The following FAM135B variants were observed in gnomAD, a reference collection of about 807,000 sequenced individuals.
FAM135B encodes the protein protein FAM135B.
In FAM135B, 43 loss-of-function variants were observed where a neutral mutation model predicts 127.7. That is an observed-to-expected ratio of 0.34 (90% CI 0.26 to 0.43). FAM135B has a LOEUF of 0.43. Among genes scored for constraint, FAM135B ranks in the 20% least tolerant of loss-of-function variants. FAM135B has a pLI of 1.00. For missense variants in FAM135B, 1,558 were observed against 1,725.6 expected (o/e 0.90, Z 1.72); for synonymous variants, 670 against 665.1 (o/e 1.01, Z -0.11).
At chr8:138,268,806 T>C (rs1196841608) in intron 3 of FAM135B, among the ~76,000 whole-genome samples, 1 of 152,222 alleles carries the variant, frequency 6.6e-6, no homozygotes, top group Non-Finnish European at 1.5e-5. Context: ...TATTTTTATG[T>C]ATTTTTAGGC....
intron 16 of FAM135B, among the ~76,000 whole-genome samples, chr8:138,142,112 G>A (rs937324179): frequency 6.6e-6 from 1 of 151,900 alleles, no homozygotes; most frequent in Non-Finnish European, 1.5e-5. Context: ...TGTATATGAA[G>A]ACTAAATGGG....
At chr8:138,255,828 C>T (rs761802578) in intron 5 of FAM135B, among the ~76,000 whole-genome samples, 29 of 152,140 alleles carry the variant, frequency 1.9e-4, no homozygotes, top group Non-Finnish European at 1.5e-4. Context: ...ATATGACAAT[C>T]GCACTTACAA....
At chr8:138,381,578 A>G (rs1321575150) in intron 1 of FAM135B, among the ~76,000 whole-genome samples, 1 of 152,236 alleles carries the variant, frequency 6.6e-6, no homozygotes, top group Admixed American at 6.5e-5. Flanking sequence ...GAGAATAGGT[A>G]TGGAATCACA....
At chr8:138,218,551 G>C (rs1818750731) in intron 7 of FAM135B, among the ~76,000 whole-genome samples, 1 of 152,128 alleles carries the variant, frequency 6.6e-6, no homozygotes, top group Non-Finnish European at 1.5e-5. Flanking sequence ...TACAGAGTGG[G>C]ACTCATACTT....
At chr8:138,349,787 G>A (rs1178394779) in intron 2 of FAM135B, among the ~76,000 whole-genome samples, 1 of 152,166 alleles carries the variant, frequency 6.6e-6, no homozygotes, top group Non-Finnish European at 1.5e-5. Context: ...GCAAAGCAGA[G>A]CCAGAAATGG....
rs1291472552 is a variant in FAM135B at position 138,130,399 on chromosome 8, A to G, written c.*2194T>C. ...TTTACAAAGACAGCAGAGCACCCCT[A>G]TAAAAAAGAGGTGCACCATGCAGCT... On this transcript the variant is annotated 3_prime_UTR_variant, in exon 20 of 20. Transcript: ENST00000395297. 2 of 152,152 alleles carry G rather than the reference A, an allele frequency of 1.3e-5. No homozygotes were observed. The highest frequency in any genetic ancestry group is 2.9e-5 in the Non-Finnish European group (2 of 68,036). 9.4% of individuals were successfully genotyped at this position (152,152 alleles called of 1,614,324 possible).
At chr8:138,133,065 G>A (rs4620329) in intron 19 of FAM135B, among the ~76,000 whole-genome samples, 18,401 of 152,226 alleles carry the variant, frequency 0.12, 1,252 homozygotes, top group East Asian at 0.23. Context: ...AGCAGTGTTC[G>A]TGTTTCTCAA....
chr8:138,296,925 C>T (rs576913195), intron 3 of FAM135B, among the ~76,000 whole-genome samples: 3 of 152,180 alleles, frequency 2.0e-5, no homozygotes, highest in East Asian at 1.9e-4. Context: ...ATACTAAAGC[C>T]GAATGAGAGG....
In FAM135B at chr8:138,148,567, T is replaced by G. The variant is rs2130689931; in HGVS notation, c.3401A>C (p.Asn1134Thr). The G allele has an allele frequency of 6.2e-7, 1 of 1,614,046 alleles. No individual in the cohort carries two copies. The highest frequency in any genetic ancestry group is 8.5e-7 in the Non-Finnish European group (1 of 1,179,948). ...AACCAGGTGAATTCCATCTTCCAAA[T>G]TTTCTTCCTCTTCCTCTGGTGGGAA... ...PYFPPEEEEE[N>T]LEDGIHLVVC... Residue 1134 changes from asparagine to threonine, a missense_variant, in exon 14 of 20, where the codon AAT (asparagine) becomes ACT (threonine). Physicochemically the swap from Asn to Thr is moderately conservative, Grantham distance 65 (BLOSUM62 0). This residue lies in a region of FAM135B where 923 missense variants were observed against 865.3 expected (regional missense o/e 1.07). Coordinates refer to ENST00000395297, the MANE Select transcript of FAM135B (RefSeq NM_015912.4).
chr8:138,355,820 G>A (rs769708993), intron 2 of FAM135B, among the ~76,000 whole-genome samples: 22 of 152,154 alleles, frequency 1.4e-4, no homozygotes, highest in Admixed American at 2.6e-4. Flanking sequence ...GCCCTTGTGT[G>A]AGCCAAATAA....
intron 11 of FAM135B, among the ~76,000 whole-genome samples, chr8:138,168,940 GCC>G: frequency 6.6e-6 from 1 of 152,226 alleles, no homozygotes; most frequent in South Asian, 2.1e-4. Context: ...GAGCAGCTCG[GCC>G]TCTGGAAGCC....
At chr8:138,195,112 G>GT (rs1485777953) in intron 9 of FAM135B, 146 bp downstream of exon 9, 2 of 702,810 alleles carry the variant, frequency 2.8e-6, no homozygotes, top group Non-Finnish European at 4.8e-6. Context: ...GTAACAGAAT[G>GT]TAAGAATATT....
chr8:138,171,011 A>G (rs943389969), intron 11 of FAM135B, among the ~76,000 whole-genome samples: 7 of 152,152 alleles, frequency 4.6e-5, no homozygotes, highest in African/African-American at 1.7e-4. Context: ...TCTGCACTCC[A>G]TGCGCTCCCA....
At chr8:138,146,176 T>A in intron 14 of FAM135B, 126 bp from the exon 15 acceptor site, 1 of 600,334 alleles carries the variant, frequency 1.7e-6, no homozygotes, top group South Asian at 2.2e-5. Flanking sequence ...TTTGGTTAAG[T>A]AGATAATATA....
At chr8:138,424,476 T>G (rs781353468) in intron 1 of FAM135B, among the ~76,000 whole-genome samples, 8 of 152,206 alleles carry the variant, frequency 5.3e-5, no homozygotes, top group Non-Finnish European at 1.2e-4. Context: ...CACAAAGATC[T>G]GCACAAATGG....
intron 1 of FAM135B, among the ~76,000 whole-genome samples, chr8:138,492,820 G>A (rs764262244): frequency 1.1e-4 from 16 of 152,148 alleles, no homozygotes; most frequent in East Asian, 5.8e-4. Context: ...GAAATATGTC[G>A]GAGGCTCCTC....
chr8:138,462,558 G>C (rs768821131), intron 1 of FAM135B, among the ~76,000 whole-genome samples: 1 of 152,160 alleles, frequency 6.6e-6, no homozygotes, highest in Admixed American at 6.5e-5. Context: ...GGAGTCACTG[G>C]GGAGAGGAGG....
chr8:138,243,518 C>T lies in FAM135B; in HGVS notation c.543-450G>A, dbSNP rs1429519882. ...GTGGAAAAGCATAAAACATCTTCCT[C>T]CATGATCCGCATGAGAGTCTAATAC... On this transcript the variant is annotated intron_variant, in intron 6 of 19. Transcript: ENST00000395297. The surrounding 1 kb of genome is among the most constrained non-coding windows in gnomAD (Gnocchi z 7.5). Among the ~76,000 whole-genome samples the T allele has an allele frequency of 2.0e-5, 3 of 152,204 alleles. No individual in the cohort carries two copies. The highest frequency in any genetic ancestry group is 1.3e-4 in the Admixed American group (2 of 15,280).
intron 1 of FAM135B, among the ~76,000 whole-genome samples, chr8:138,429,124 C>T (rs536147439): frequency 3.9e-5 from 6 of 152,158 alleles, no homozygotes; most frequent in South Asian, 2.1e-4. Context: ...AAGAGTATAA[C>T]GGGGCATTGG....
Sources: gnomAD v4.1 joint callset for allele counts (sites outside exome capture counted in the v4.1 genomes callset) on GRCh38, gnomAD v4.1.1 for gene constraint, gnomAD v4.1.1 regional missense constraint, Gnocchi (gnomAD v3.1) non-coding constraint, MANE v1.5 for transcripts, NCBI Gene and HGNC (gene_info 2026-07-23, HGNC 2026-07-21) for gene names.